ZSWIM5: variants seen among roughly 807,000 people sequenced by gnomAD.
ZSWIM5 encodes zinc finger SWIM-type containing 5, also known as zinc finger SWIM domain-containing protein 5.
ZSWIM5 carries 55 observed loss-of-function variants against 119.6 expected under a neutral mutation model. That is an observed-to-expected ratio of 0.46 (90% CI 0.37 to 0.58). The LOEUF is 0.58. ZSWIM5 is among the 20% of genes least tolerant of loss of function. ZSWIM5 has a pLI of 0.00. For missense variants in ZSWIM5, 1,193 were observed against 1,512.8 expected, an observed-to-expected ratio of 0.79 and a Z score of 3.51; for synonymous variants, 537 against 606.9, an observed-to-expected ratio of 0.88 and a Z score of 1.69.
intron 1 of ZSWIM5, among the ~76,000 whole-genome samples, chr1:45,092,769 T>C (rs1645376087): frequency 6.6e-6 from 1 of 152,208 alleles, no homozygotes; most frequent in Non-Finnish European, 1.5e-5. Flanking sequence ...GTGGGCCTCA[T>C]ACAATTGACT....
chr1:45,035,627 A>T, intron 10 of ZSWIM5, 61 bp downstream of exon 10: 1 of 1,577,164 alleles, frequency 6.3e-7, no homozygotes, highest in East Asian at 2.3e-5. Flanking sequence ...TAAGCAATGA[A>T]AAAGAGCACT....
At chr1:45,196,034 GTTTTTTTTTTTT>G (rs34236930) in intron 1 of ZSWIM5, among the ~76,000 whole-genome samples, 3 of 103,910 alleles carry the variant, frequency 2.9e-5, no homozygotes, top group African/African-American at 7.1e-5. Context: ...CACCCAGCTA[GTTTTTTTTTTTT>G]TTTTTTTTTT....
chr1:45,031,169 ATTTTT>A (rs34390567), intron 11 of ZSWIM5, among the ~76,000 whole-genome samples: 4 of 61,744 alleles, frequency 6.5e-5, no homozygotes, highest in Admixed American at 2.5e-4. Context: ...TTTTGCTCTG[ATTTTT>A]TTTTTTTTTT....
intron 1 of ZSWIM5, among the ~76,000 whole-genome samples, chr1:45,172,317 T>C (rs190307701): frequency 6.6e-6 from 1 of 152,144 alleles, no homozygotes; most frequent in Admixed American, 6.6e-5. Context: ...AGATAAAATA[T>C]CAACTTCAAT....
intron 1 of ZSWIM5, among the ~76,000 whole-genome samples, chr1:45,109,572 T>G (rs1333137038): frequency 1.3e-5 from 2 of 151,992 alleles, no homozygotes; most frequent in African/African-American, 2.4e-5. Context: ...GGTGAAACCC[T>G]GTCTCTACCA....
intron 1 of ZSWIM5, among the ~76,000 whole-genome samples, chr1:45,171,596 A>G (rs1645946455): frequency 6.6e-6 from 1 of 152,080 alleles, no homozygotes; most frequent in Non-Finnish European, 1.5e-5. Flanking sequence ...ATAAGATAGG[A>G]CATCATACTA....
At chr1:45,092,274 TG>T (rs1415775405) in intron 1 of ZSWIM5, among the ~76,000 whole-genome samples, 2 of 152,124 alleles carry the variant, frequency 1.3e-5, no homozygotes, top group Non-Finnish European at 2.9e-5. Flanking sequence ...GTAGGTGTGA[TG>T]GTAAGTTTTT....
chr1:45,138,309 G>A (rs1645701979), intron 1 of ZSWIM5, among the ~76,000 whole-genome samples: 4 of 152,030 alleles, frequency 2.6e-5, no homozygotes, highest in Admixed American at 2.6e-4. Flanking sequence ...TTCGAGACCA[G>A]CCTGGCCAAC....
intron 11 of ZSWIM5, among the ~76,000 whole-genome samples, chr1:45,029,675 G>A (rs1644940801): frequency 6.6e-6 from 1 of 152,192 alleles, no homozygotes; most frequent in South Asian, 2.1e-4. Context: ...GGTATCTCAT[G>A]TAAGTCAAAA....
intron 11 of ZSWIM5, among the ~76,000 whole-genome samples, chr1:45,023,295 A>G (rs537872415): frequency 1.3e-5 from 2 of 152,232 alleles, no homozygotes; most frequent in East Asian, 3.9e-4. Flanking sequence ...CTGTCTTCAT[A>G]GTTTTGCCTT....
chr1:45,032,764 G>T (rs1265025047), intron 11 of ZSWIM5, among the ~76,000 whole-genome samples: 1 of 151,512 alleles, frequency 6.6e-6, no homozygotes, highest in Non-Finnish European at 1.5e-5. Context: ...TAGGATTATA[G>T]GTGTGAGCCA....
At chr1:45,190,981 C>T (rs1266822368) in intron 1 of ZSWIM5, among the ~76,000 whole-genome samples, 2 of 109,306 alleles carry the variant, frequency 1.8e-5, no homozygotes, top group African/African-American at 7.1e-5. Context: ...GAGTCTCGCT[C>T]TTTCGCCCAG....
intron 1 of ZSWIM5, among the ~76,000 whole-genome samples, chr1:45,182,281 G>A (rs1015894669): frequency 6.6e-6 from 1 of 151,988 alleles, no homozygotes; most frequent in Non-Finnish European, 1.5e-5. Flanking sequence ...GCTGGCGCCT[G>A]TAGTCCCAGC....
At chr1:45,086,007 C>G (rs114226209) in intron 2 of ZSWIM5, among the ~76,000 whole-genome samples, 3,142 of 152,196 alleles carry the variant, frequency 0.021, 116 homozygotes, top group African/African-American at 0.072. Flanking sequence ...ACCTGAGAAT[C>G]GGTAATTTAT....
chr1:45,019,403 C>T lies in ZSWIM5; in HGVS notation c.2696-87G>A. 1 of 1,501,784 alleles carries T rather than the reference C, an allele frequency of 6.7e-7. No individual in the cohort carries two copies. Among genetic ancestry groups the T allele is most frequent in the Non-Finnish European group, 8.9e-7 (1 of 1,126,836 alleles). The allele number at this position is 1,501,784 out of a possible 1,614,324, so 93.0% of individuals were successfully genotyped here. A position where few individuals can be genotyped will look rare whatever the true frequency, so the allele number is the denominator to read the frequency against. On this transcript the variant is annotated intron_variant, in intron 13 of 13. Transcript: ENST00000359600. This position sits in a 1 kb window ranked among gnomAD's most constrained non-coding sequence, Gnocchi z 5.0. ...TTACCATTTGGGGTTTGAACTTGGC[C>T]TGCAGAGATGAATTCTTCCTCCTCA...
At chr1:45,020,933 T>C in intron 11 of ZSWIM5, 145 bp from the exon 12 acceptor site, 1 of 901,220 alleles carries the variant, frequency 1.1e-6, no homozygotes, top group South Asian at 1.7e-5. Context: ...TATCGAGCTG[T>C]CTCCACTAAT....
chr1:45,119,430 C>T (rs1026361689), intron 1 of ZSWIM5, among the ~76,000 whole-genome samples: 7 of 152,176 alleles, frequency 4.6e-5, no homozygotes, highest in African/African-American at 1.7e-4. Flanking sequence ...CTGCACTTTA[C>T]TCTTTTCTGA....
chr1:45,027,729 A>G (rs1370401566), intron 11 of ZSWIM5, among the ~76,000 whole-genome samples: 2 of 152,182 alleles, frequency 1.3e-5, no homozygotes, highest in East Asian at 3.8e-4. Context: ...CCTAGGCTGG[A>G]GTGCAGTGGT....
intron 1 of ZSWIM5, among the ~76,000 whole-genome samples, chr1:45,092,895 T>C (rs1289925241): frequency 6.6e-6 from 1 of 152,260 alleles, no homozygotes; most frequent in Admixed American, 6.5e-5. Flanking sequence ...GATTTCATAC[T>C]TCTCAGCTGC....
Sources: gnomAD v4.1 joint callset for allele counts (sites outside exome capture counted in the v4.1 genomes callset) on GRCh38, gnomAD v4.1.1 for gene constraint, Gnocchi (gnomAD v3.1) non-coding constraint, MANE v1.5 for transcripts, NCBI Gene and HGNC (gene_info 2026-07-23, HGNC 2026-07-21) for gene names.